The following PIBF1 variants were observed in gnomAD, a reference collection of about 807,000 sequenced individuals.
PIBF1 encodes progesterone immunomodulatory binding factor 1.
A neutral mutation model predicts 112.5 loss-of-function variants in PIBF1; 90 were observed. That is an observed-to-expected ratio of 0.80 (90% CI 0.67 to 0.95). The LOEUF is 0.95. Ranked by LOEUF, PIBF1 falls within the 40% of genes least tolerant of loss-of-function variation. The pLI is 0.00. For missense variants in PIBF1, 915 were observed against 852.3 expected (o/e 1.07, Z -0.92); for synonymous variants, 301 against 288.6 (o/e 1.04, Z -0.44).
At chr13:72,957,817 C>T (rs572040290) in intron 14 of PIBF1, among the ~76,000 whole-genome samples, 2 of 151,874 alleles carry the variant, frequency 1.3e-5, no homozygotes, top group Non-Finnish European at 1.5e-5. Context: ...AATGCAGTGG[C>T]GCACACCTAT....
intron 5 of PIBF1, among the ~76,000 whole-genome samples, chr13:72,806,274 CAT>C (rs1427192814): frequency 6.6e-6 from 1 of 151,980 alleles, no homozygotes; most frequent in Non-Finnish European, 1.5e-5. Context: ...TTAGATTCGT[CAT>C]ATGAGTAGAG....
chr13:72,814,696 A>G (rs2036186259), intron 5 of PIBF1, among the ~76,000 whole-genome samples: 1 of 152,020 alleles, frequency 6.6e-6, no homozygotes, highest in South Asian at 2.1e-4. Flanking sequence ...ATTTAAAGCT[A>G]TGCCAAAGGA....
intron 10 of PIBF1, among the ~76,000 whole-genome samples, chr13:72,875,475 C>T (rs890299681): frequency 4.0e-5 from 6 of 150,766 alleles, no homozygotes; most frequent in Non-Finnish European, 7.4e-5. Flanking sequence ...CGAAATGTGT[C>T]AGTGTAGTGT....
intron 14 of PIBF1, among the ~76,000 whole-genome samples, chr13:72,947,355 G>A (rs544235453): frequency 1.3e-5 from 2 of 152,184 alleles, no homozygotes; most frequent in Non-Finnish European, 2.9e-5. Context: ...GAGCAGGGGG[G>A]CCCTGGGCCT....
In PIBF1 at chr13:73,014,166, G is replaced by T. The variant is rs561262924; in HGVS notation, c.2224-1703G>T. On this transcript the variant is annotated intron_variant, in intron 17 of 17. Coordinates refer to ENST00000326291, the MANE Select transcript of PIBF1 (RefSeq NM_006346.4). ...TTTGTGTATTGTTTGTAGAGATGGAGTTTTGCCATGTTGCACAGACTGGTC... is the reference window on the plus strand; with the variant it reads ...TTTGTGTATTGTTTGTAGAGATGGATTTTTGCCATGTTGCACAGACTGGTC... 5.9e-5 allele frequency among the ~76,000 whole-genome samples: 9 copies of T among 151,718 alleles called. No individual in the cohort carries two copies. The South Asian group carries it at 1.9e-3, about 32-fold the overall frequency.
chr13:72,796,921 A>C (rs1020660887), intron 4 of PIBF1, among the ~76,000 whole-genome samples: 4 of 152,166 alleles, frequency 2.6e-5, no homozygotes, highest in Admixed American at 2.0e-4. Context: ...GCCTCTTACC[A>C]AATAATGGTA....
At chr13:72,811,603 A>G (rs1847763175) in intron 5 of PIBF1, among the ~76,000 whole-genome samples, 1 of 99,738 alleles carries the variant, frequency 1.0e-5, no homozygotes, top group Non-Finnish European at 2.1e-5. Context: ...CTCAAAAAAA[A>G]AAAAAAGAGA....
chr13:72,858,213 G>A (rs61967071), intron 10 of PIBF1, among the ~76,000 whole-genome samples: 31,518 of 151,808 alleles, frequency 0.21, 3,354 homozygotes, highest in Middle Eastern at 0.27. Flanking sequence ...CACCACACCC[G>A]GCTAATTTAT....
chr13:72,833,857 C>G (rs1267736517), intron 8 of PIBF1, among the ~76,000 whole-genome samples: 1 of 152,184 alleles, frequency 6.6e-6, no homozygotes, highest in African/African-American at 2.4e-5. Context: ...ACAGGCACCC[C>G]TTTCCCCAGG....
chr13:72,911,775 A>G (rs75341091), intron 12 of PIBF1, among the ~76,000 whole-genome samples: 15,598 of 152,206 alleles, frequency 0.1, 1,084 homozygotes, highest in Non-Finnish European at 0.15. Context: ...TTCACAAAAC[A>G]TAGATTAAAC....
At chr13:72,959,772 G>T (rs532163902) in intron 14 of PIBF1, among the ~76,000 whole-genome samples, 6 of 152,280 alleles carry the variant, frequency 3.9e-5, no homozygotes, top group South Asian at 2.1e-4. Flanking sequence ...TGAATCATAT[G>T]TACAGGTTAT....
At chr13:72,866,441 A>G (rs1162612577) in intron 10 of PIBF1, among the ~76,000 whole-genome samples, 1 of 152,212 alleles carries the variant, frequency 6.6e-6, no homozygotes, top group Non-Finnish European at 1.5e-5. Context: ...TTCTAATTTT[A>G]GGAGTTACTG....
At chr13:72,792,358 T>C (rs1263461430) in intron 2 of PIBF1, 89 bp from the exon 3 acceptor site, 4 of 806,970 alleles carry the variant, frequency 5.0e-6, no homozygotes, top group African/African-American at 3.6e-5. Context: ...AGCCTGTTTC[T>C]TTCAAGTGTT....
At chr13:72,914,338 T>G (rs1459266103) in intron 12 of PIBF1, among the ~76,000 whole-genome samples, 2 of 152,016 alleles carry the variant, frequency 1.3e-5, no homozygotes, top group African/African-American at 4.8e-5. Context: ...TTGTTAAAAG[T>G]ATAAGTATTG....
At chr13:72,812,141 AC>A (rs2138067421) in intron 5 of PIBF1, among the ~76,000 whole-genome samples, 1 of 152,224 alleles carries the variant, frequency 6.6e-6, no homozygotes, top group African/African-American at 2.4e-5. Context: ...CTCAGGAGGG[AC>A]CTTACCAAAT....
intron 5 of PIBF1, among the ~76,000 whole-genome samples, chr13:72,802,772 C>T (rs960415490): frequency 7.2e-5 from 11 of 151,912 alleles, no homozygotes; most frequent in African/African-American, 1.2e-4. Flanking sequence ...AGCATAAAGA[C>T]GATATTTAAA....
At chr13:72,810,121 T>C (rs541256663) in intron 5 of PIBF1, among the ~76,000 whole-genome samples, 34 of 152,330 alleles carry the variant, frequency 2.2e-4, no homozygotes, top group Admixed American at 5.9e-4. Flanking sequence ...TTACATTATG[T>C]ATATGATCTT....
chr13:72,820,624 A>G (rs2036510974), intron 5 of PIBF1, among the ~76,000 whole-genome samples: 1 of 152,146 alleles, frequency 6.6e-6, no homozygotes, highest in Non-Finnish European at 1.5e-5. Context: ...AAAAGGACAA[A>G]ATCGTCTTAC....
intron 9 of PIBF1, among the ~76,000 whole-genome samples, chr13:72,847,460 G>A (rs370658840): frequency 4.6e-5 from 7 of 152,202 alleles, no homozygotes; most frequent in African/African-American, 1.4e-4. Flanking sequence ...AGGAGACAGA[G>A]CAAGGGGGAG....
Sources: gnomAD v4.1 joint callset for allele counts (sites outside exome capture counted in the v4.1 genomes callset) on GRCh38, gnomAD v4.1.1 for gene constraint, MANE v1.5 for transcripts, NCBI Gene and HGNC (gene_info 2026-07-23, HGNC 2026-07-21) for gene names.